Variants in DOCK8 observed in about 807,000 individuals in gnomAD.
The protein encoded by DOCK8 is dedicator of cytokinesis protein 8.
A neutral mutation model predicts 245.6 loss-of-function variants in DOCK8; 141 were observed. The ratio of observed to expected loss-of-function variants is 0.57; its 90% confidence interval spans 0.50 to 0.66. The LOEUF (loss-of-function observed/expected upper bound fraction) is 0.66, where lower values mean the gene tolerates loss of function less well. DOCK8 is among the 30% of genes least tolerant of loss of function. The probability of loss-of-function intolerance (pLI) is 0.00; values close to 1 mark genes in which losing one functional copy is unlikely to be tolerated. For synonymous variants in DOCK8, 1,168 were observed against 970.2 expected, an observed-to-expected ratio of 1.20 and a Z score of -3.79; for missense variants, 2,965 against 2,603.4, an observed-to-expected ratio of 1.14 and a Z score of -3.02.
At chr9:352,976 G>A (rs1023107598) in intron 14 of DOCK8, among the ~76,000 whole-genome samples, 2 of 152,048 alleles carry the variant, frequency 1.3e-5, no homozygotes, top group African/African-American at 2.4e-5. Flanking sequence ...GGCAATACTC[G>A]TCACCCTGTG....
At position 434,812 on chromosome 9, in the gene DOCK8, A is replaced by G; in HGVS notation, c.4916A>G (p.Asp1639Gly). Residue 1639 changes from aspartate to glycine, a missense_variant, in exon 39 of 48, where the codon GAT (aspartate) becomes GGT (glycine). Physicochemically the swap from Asp to Gly is moderately conservative, Grantham distance 94. Coordinates refer to ENST00000432829, the MANE Select transcript of DOCK8 (RefSeq NM_203447.4). ...GCCAAGAGTTACCAGGCATCTCCTG[A>G]TCTGCGGCTGACCTGGCTCCAGAAC... ...RIAKSYQASPDLRLTWLQNMA... is the reference protein window; with the variant it reads ...RIAKSYQASPGLRLTWLQNMA... 6.2e-7 allele frequency: 1 copy of G among 1,614,128 alleles called. No homozygotes were observed. Among genetic ancestry groups the G allele is most frequent in the Non-Finnish European group, 8.5e-7 (1 of 1,180,026 alleles).
At position 399,205 on chromosome 9, in the gene DOCK8, C is replaced by T. The variant is rs371145573; in HGVS notation, c.3180C>T (p.Leu1060=). 5.6e-6 allele frequency: 9 copies of T among 1,613,966 alleles called. No homozygotes were observed. The African/African-American group carries it at 9.3e-5, about 17-fold the overall frequency. The stretch of plus-strand genomic sequence containing the variant: ...TGGCTTTCTTCTTGTATGACCTTCT[C>T]TCCCTCATGGATCGGGGCTTTGTGT... The part of the protein sequence containing the change: ...ISLAFFLYDL[L]SLMDRGFVFN... Residue 1060 remains leucine (L), a synonymous_variant, in exon 26 of 48, where the codon CTC becomes CTT. Coordinates refer to ENST00000432829, the MANE Select transcript of DOCK8 (RefSeq NM_203447.4).
chr9:242,508 G>A (rs945702000), intron 1 of DOCK8, among the ~76,000 whole-genome samples: 6 of 152,168 alleles, frequency 3.9e-5, no homozygotes, highest in African/African-American at 1.4e-4. Context: ...ATTAATTCTT[G>A]CATTTATTGA....
chr9:299,850 T>G (rs183754493), intron 4 of DOCK8, among the ~76,000 whole-genome samples: 1 of 151,836 alleles, frequency 6.6e-6, no homozygotes, highest in African/African-American at 2.4e-5. Flanking sequence ...TGAAACCCCG[T>G]CTCTACTAAA....
At chr9:441,466 C>A (rs779385133) in intron 41 of DOCK8, 49 bp downstream of exon 41, 44 of 1,613,028 alleles carry the variant, frequency 2.7e-5, no homozygotes, top group Admixed American at 6.7e-5. Flanking sequence ...TGGCAGGCGA[C>A]CCTGTCCTAC....
At chr9:350,884 C>G (rs1172907703) in intron 14 of DOCK8, among the ~76,000 whole-genome samples, 2 of 152,150 alleles carry the variant, frequency 1.3e-5, no homozygotes, top group Non-Finnish European at 2.9e-5. Context: ...GAGCTGTGGA[C>G]CCCCGTCCTG....
intron 9 of DOCK8, among the ~76,000 whole-genome samples, chr9:328,908 C>T (rs1308909580): frequency 2.0e-5 from 3 of 148,230 alleles, no homozygotes; most frequent in Non-Finnish European, 4.5e-5. Context: ...GGTATTTTAC[C>T]TACCTTAGGC....
chr9:238,260 G>A (rs773567995), intron 1 of DOCK8, among the ~76,000 whole-genome samples: 35 of 152,246 alleles, frequency 2.3e-4, no homozygotes, highest in Admixed American at 5.9e-4. Flanking sequence ...GATTCCCAGC[G>A]AGATGTGGTT....
intron 28 of DOCK8, among the ~76,000 whole-genome samples, chr9:413,300 A>G (rs896677275): frequency 4.6e-5 from 7 of 152,196 alleles, no homozygotes; most frequent in African/African-American, 1.4e-4. Context: ...AAACTATAAA[A>G]TTGTTACATA....
chr9:277,898 C>T (rs1329898630), intron 2 of DOCK8, among the ~76,000 whole-genome samples: 1 of 152,110 alleles, frequency 6.6e-6, no homozygotes, highest in Non-Finnish European at 1.5e-5. Context: ...GGCTTCTGTG[C>T]AATAAAGCAG....
intron 5 of DOCK8, among the ~76,000 whole-genome samples, chr9:305,753 C>G (rs2049798273): frequency 6.6e-6 from 1 of 152,160 alleles, no homozygotes; most frequent in Admixed American, 6.5e-5. Flanking sequence ...AGAAAGCAAG[C>G]CTTCATTTGC....
At chr9:277,456 AG>A in intron 2 of DOCK8, among the ~76,000 whole-genome samples, 1 of 50,024 alleles carries the variant, frequency 2.0e-5, no homozygotes, top group African/African-American at 1.3e-4. Flanking sequence ...GAGAAGAGAA[AG>A]AGAGAAGAGA....
rs1027176775 is a variant in DOCK8, at chr9:464,892, G to C, written c.*673G>C. On this transcript the variant is annotated 3_prime_UTR_variant, in exon 48 of 48. Transcript: ENST00000432829. ...ATACATTCAAAGCACTGATGTAGGA[G>C]ATACACGGTACTTGGAGCAGTCAGC... is the stretch of plus-strand genomic sequence containing the variant. The C allele has an allele frequency of 1.3e-5, 2 of 154,336 alleles. No individual in the cohort carries two copies. Among genetic ancestry groups the C allele is most frequent in the Non-Finnish European group, 2.9e-5 (2 of 69,396 alleles). 9.6% of individuals were successfully genotyped at this position (154,336 alleles called of 1,614,324 possible).
At chr9:299,787 C>T (rs928887977) in intron 4 of DOCK8, among the ~76,000 whole-genome samples, 5 of 151,794 alleles carry the variant, frequency 3.3e-5, no homozygotes, top group South Asian at 2.1e-4. Context: ...TTTGGGAGGC[C>T]GAGGCAGGCA....
chr9:386,432 G>C lies in DOCK8; in HGVS notation c.2874+6G>C. ...CAAGGCCAGCCAGCAAAAAGGTACT[G>C]AAGAGAGCAATGTGAGGTTCATCCC... On this transcript the variant is annotated splice_donor_region_variant and intron_variant, in intron 23 of 47. Coordinates refer to ENST00000432829, the MANE Select transcript of DOCK8 (RefSeq NM_203447.4). 6.2e-7 allele frequency: 1 copy of C among 1,611,950 alleles called. No individual in the cohort carries two copies. The highest frequency in any genetic ancestry group is 8.5e-7 in the Non-Finnish European group (1 of 1,178,366).
At chr9:326,577 C>T (rs1189967180) in intron 8 of DOCK8, among the ~76,000 whole-genome samples, 4 of 152,200 alleles carry the variant, frequency 2.6e-5, no homozygotes, top group Admixed American at 2.0e-4. Flanking sequence ...AGCTACTGGT[C>T]AGGGGACCAC....
intron 29 of DOCK8, among the ~76,000 whole-genome samples, chr9:417,700 A>G (rs1055789476): frequency 1.3e-5 from 2 of 152,228 alleles, no homozygotes; most frequent in East Asian, 1.9e-4. Context: ...TTATTATTCT[A>G]TATAAGGTAG....
At chr9:313,344 A>G (rs2050207908) in intron 6 of DOCK8, among the ~76,000 whole-genome samples, 1 of 152,214 alleles carries the variant, frequency 6.6e-6, no homozygotes, top group Admixed American at 6.5e-5. Flanking sequence ...ACTTAGAGCA[A>G]ACTTCTGTCC....
chr9:291,109 TTAGAGG>T (rs1468188476), intron 4 of DOCK8, among the ~76,000 whole-genome samples: 1 of 152,172 alleles, frequency 6.6e-6, no homozygotes, highest in Non-Finnish European at 1.5e-5. Flanking sequence ...AATGCTATCA[TTAGAGG>T]TACTTTCTGG....
Sources: allele counts gnomAD v4.1 joint callset (sites outside exome capture counted in the v4.1 genomes callset), GRCh38; gene constraint gnomAD v4.1.1; transcripts MANE v1.5; gene names NCBI Gene and HGNC (gene_info 2026-07-23, HGNC 2026-07-21).